The following DLGAP1 variants were observed in gnomAD, a reference collection of about 807,000 sequenced individuals.
The protein encoded by DLGAP1 is DLG associated protein 1, also known as disks large-associated protein 1.
In DLGAP1, 11 loss-of-function variants were observed where a neutral mutation model predicts 90.8. That is an observed-to-expected ratio of 0.12 (90% CI 0.08 to 0.20). DLGAP1 has a LOEUF of 0.20. Among genes scored for constraint, DLGAP1 ranks in the 10% least tolerant of loss-of-function variants. The pLI is 1.00. For missense variants in DLGAP1, 1,050 were observed against 1,333.8 expected (o/e 0.79, Z 3.31); for synonymous variants, 558 against 540.7 (o/e 1.03, Z -0.44).
chr18:4,412,413 TCTC>T (rs1273625401), intron 1 of DLGAP1, among the ~76,000 whole-genome samples: 2 of 152,180 alleles, frequency 1.3e-5, no homozygotes, highest in African/African-American at 4.8e-5. Flanking sequence ...ATAGTCAGCT[TCTC>T]CTCCAGGCTG....
intron 1 of DLGAP1, among the ~76,000 whole-genome samples, chr18:4,265,430 A>G (rs907730286): frequency 1.3e-5 from 2 of 149,314 alleles, no homozygotes; most frequent in Non-Finnish European, 3.0e-5. Flanking sequence ...CGGCCCCCCA[A>G]AGTGCTGGGA....
At chr18:4,401,376 C>A (rs1369242391) in intron 1 of DLGAP1, among the ~76,000 whole-genome samples, 1 of 152,104 alleles carries the variant, frequency 6.6e-6, no homozygotes, top group Admixed American at 6.5e-5. Context: ...CTGTATAGAA[C>A]AAAAAGGCCA....
At chr18:4,244,173 AAG>A (rs1458708092) in intron 1 of DLGAP1, among the ~76,000 whole-genome samples, 5 of 152,206 alleles carry the variant, frequency 3.3e-5, no homozygotes, top group African/African-American at 1.2e-4. Flanking sequence ...TTTCCTGGAT[AAG>A]AGTGTCAGTA....
At chr18:3,926,389 G>A (rs1361175452) in intron 3 of DLGAP1, among the ~76,000 whole-genome samples, 1 of 139,424 alleles carries the variant, frequency 7.2e-6, no homozygotes. Context: ...ACTCACTAGT[G>A]TAAGCAAATG....
intron 7 of DLGAP1, among the ~76,000 whole-genome samples, chr18:3,723,108 T>C (rs537377369): frequency 1.6e-3 from 240 of 152,294 alleles, no homozygotes; most frequent in South Asian, 9.5e-3. Context: ...TAAATGTATT[T>C]GGCTTTGTGG....
At chr18:4,016,871 C>T (rs1253693999) in intron 2 of DLGAP1, among the ~76,000 whole-genome samples, 1 of 152,128 alleles carries the variant, frequency 6.6e-6, no homozygotes, top group African/African-American at 2.4e-5. Context: ...TTTTCTCATA[C>T]ATAAAGTAGG....
At chr18:4,309,415 C>T (rs1360672899) in intron 1 of DLGAP1, among the ~76,000 whole-genome samples, 4 of 152,028 alleles carry the variant, frequency 2.6e-5, no homozygotes, top group Non-Finnish European at 5.9e-5. Flanking sequence ...AGAGAATTTG[C>T]AGAGTTTGCA....
chr18:4,162,953 A>G (rs1297658555), intron 1 of DLGAP1, among the ~76,000 whole-genome samples: 1 of 152,090 alleles, frequency 6.6e-6, no homozygotes, highest in East Asian at 1.9e-4. Flanking sequence ...GTTTTGAGCT[A>G]GTCGCAAAGT....
chr18:4,372,480 G>A (rs549894105), intron 1 of DLGAP1, among the ~76,000 whole-genome samples: 3 of 152,330 alleles, frequency 2.0e-5, no homozygotes, highest in Admixed American at 2.0e-4. Flanking sequence ...CCCACAGCAT[G>A]TAAAGAGGAA....
chr18:4,074,512 T>C (rs551041444), intron 2 of DLGAP1, among the ~76,000 whole-genome samples: 15 of 152,272 alleles, frequency 9.9e-5, no homozygotes, highest in African/African-American at 3.4e-4. Context: ...ATGTTAATCT[T>C]AAATTTGGAA....
At chr18:4,106,173 A>C (rs576716652) in intron 2 of DLGAP1, among the ~76,000 whole-genome samples, 2 of 152,286 alleles carry the variant, frequency 1.3e-5, no homozygotes, top group East Asian at 3.9e-4. Context: ...ATGGCCAGGA[A>C]AAGATTGCTC....
rs1295704810 is a variant in DLGAP1 at position 3,500,463 on chromosome 18, C to A, written c.2725-1069G>T. On this transcript the variant is annotated intron_variant, in intron 12 of 12. Coordinates refer to ENST00000315677, the MANE Select transcript of DLGAP1 (RefSeq NM_004746.4). ...AGTTTCGGTGATTCTCCAAAGAGTA[C>A]TCTTTGTATCTTAACACCAATGCTC... Among the ~76,000 whole-genome samples the A allele has an allele frequency of 3.9e-5, 6 of 152,298 alleles. 1 individual carries two copies. In the East Asian group the frequency reaches 1.2e-3, roughly 29 times the overall value.
intron 9 of DLGAP1, among the ~76,000 whole-genome samples, chr18:3,559,978 T>A (rs2053982937): frequency 6.6e-6 from 1 of 152,140 alleles, no homozygotes; most frequent in African/African-American, 2.4e-5. Context: ...TACTTTGTAA[T>A]AATTAATAAT....
At chr18:4,398,335 T>TG (rs1270061095) in intron 1 of DLGAP1, among the ~76,000 whole-genome samples, 1 of 151,220 alleles carries the variant, frequency 6.6e-6, no homozygotes, top group Non-Finnish European at 1.5e-5. Context: ...ATAAAGCAAT[T>TG]TTTTTCATTA....
intron 3 of DLGAP1, among the ~76,000 whole-genome samples, chr18:3,977,434 G>GTGTTT (rs1555718019): frequency 2.2e-4 from 21 of 95,328 alleles, no homozygotes; most frequent in African/African-American, 8.4e-4. Context: ...TTTATTCTGT[G>GTGTTT]TTTTTTTTTT....
intron 3 of DLGAP1, among the ~76,000 whole-genome samples, chr18:3,999,534 T>C (rs1383990296): frequency 6.6e-6 from 1 of 152,194 alleles, no homozygotes; most frequent in Non-Finnish European, 1.5e-5. Flanking sequence ...TCTTTTCCTA[T>C]GTGGTCAATA....
In DLGAP1 at chr18:3,502,963, C is replaced by T. The variant is rs567886705; in HGVS notation, c.2572-318G>A. Among the ~76,000 whole-genome samples, 4 of 151,628 alleles carry T rather than the reference C, an allele frequency of 2.6e-5. No homozygotes were observed. The South Asian group carries it at 8.4e-4, about 32-fold the overall frequency. On this transcript the variant is annotated intron_variant, in intron 11 of 12. Coordinates refer to ENST00000315677, the MANE Select transcript of DLGAP1 (RefSeq NM_004746.4). ...CTACTACAGGACGTATTTTAAAACA[C>T]CATATTCAAATGAAAATGACATTTC...
At chr18:4,206,490 T>G (rs1291450147) in intron 1 of DLGAP1, among the ~76,000 whole-genome samples, 3 of 152,100 alleles carry the variant, frequency 2.0e-5, no homozygotes, top group Non-Finnish European at 4.4e-5. Flanking sequence ...TTCCAAGATC[T>G]GAGGGTCAGT....
intron 7 of DLGAP1, among the ~76,000 whole-genome samples, chr18:3,703,597 G>A (rs1229058121): frequency 6.6e-6 from 1 of 152,194 alleles, no homozygotes; most frequent in African/African-American, 2.4e-5. Flanking sequence ...AAGACGGAGG[G>A]ATATTTGAAA....
Sources: allele counts gnomAD v4.1 joint callset (sites outside exome capture counted in the v4.1 genomes callset), GRCh38; gene constraint gnomAD v4.1.1; transcripts MANE v1.5; gene names NCBI Gene and HGNC (gene_info 2026-07-23, HGNC 2026-07-21).